The following OSBPL7 variants were observed in gnomAD, a reference collection of about 807,000 sequenced individuals.
OSBPL7 encodes the protein oxysterol binding protein like 7, also known as oxysterol-binding protein-related protein 7.
OSBPL7 carries 66 observed loss-of-function variants against 115.8 expected under a neutral mutation model. The observed-to-expected ratio is 0.57, with a 90% confidence interval of 0.47 to 0.70. The LOEUF is 0.70. Ranked by LOEUF, OSBPL7 falls within the 30% of genes least tolerant of loss-of-function variation. The probability of loss-of-function intolerance (pLI) is 0.00; values close to 1 mark genes in which losing one functional copy is unlikely to be tolerated. For synonymous variants in OSBPL7, 441 were observed against 439.2 expected (o/e 1.00, Z -0.05); for missense variants, 902 against 1,125.5 (o/e 0.80, Z 2.84).
chr17:47,813,458 A>G, intron 15 of OSBPL7, 55 bp from the exon 16 acceptor site: 1 of 1,609,486 alleles, frequency 6.2e-7, no homozygotes, highest in South Asian at 1.1e-5. Flanking sequence ...CACCCCAAGC[A>G]AGCAAAGTAT....
chr17:47,817,295 C>T lies in OSBPL7; in HGVS notation c.663G>A (p.Leu221=), dbSNP rs776344020. The T allele has an allele frequency of 4.4e-6, 7 of 1,603,244 alleles. No individual in the cohort carries two copies. The East Asian group carries it at 1.3e-4, about 31-fold the overall frequency. Residue 221 remains leucine, a synonymous_variant, in exon 8 of 23, where the codon CTG becomes CTA. Transcript: ENST00000007414. ...TAACAGGGGCTGAGGGGATTCGGTG[C>T]AGGGACTCCAGGCTCTGGAGGAGCC... ...LHRLLQSLES[L]HRIPSAPVIP...
Position 47,816,138 on chromosome 17 carries a change from G to A in OSBPL7, c.1088C>T (p.Ala363Val), listed in dbSNP as rs1420334077. ...HSLSTSSDTT[A>V]DSFSSLNPEE... ...AGGGTTGAGGGAGCTGAAAGAGTCC[G>A]CCGTGGTGTCGGAGGAGGTGGACAG... Residue 363 changes from alanine (A) to valine (V), a missense_variant, in exon 12 of 23, where the codon GCG becomes GTG. Transcript: ENST00000007414. This position sits in a 1 kb window ranked among gnomAD's most constrained non-coding sequence, Gnocchi z 5.8. 34 of 1,551,214 alleles carry A rather than the reference G, an allele frequency of 2.2e-5. No homozygotes were observed. The highest frequency in any genetic ancestry group is 2.5e-5 in the Non-Finnish European group (29 of 1,146,920).
chr17:47,815,763 T>G, intron 12 of OSBPL7: 1 of 318,572 alleles, frequency 3.1e-6, no homozygotes, highest in Non-Finnish European at 5.8e-6. Context: ...CCGTGGAACG[T>G]AGCCCCAGCG....
At chr17:47,812,730 C>T (rs529451162) in intron 16 of OSBPL7, among the ~76,000 whole-genome samples, 4 of 152,332 alleles carry the variant, frequency 2.6e-5, no homozygotes, top group South Asian at 2.1e-4. Context: ...TGCACCCTGT[C>T]GGCCTCCGCC....
At chr17:47,812,656 C>T (rs1015308757) in intron 16 of OSBPL7, among the ~76,000 whole-genome samples, 1 of 152,220 alleles carries the variant, frequency 6.6e-6, no homozygotes, top group Non-Finnish European at 1.5e-5. Flanking sequence ...ACATAAACAG[C>T]TCTTGAACCA....
At chr17:47,817,458 C>A in intron 7 of OSBPL7, 99 bp from the exon 8 acceptor site, 2 of 759,020 alleles carry the variant, frequency 2.6e-6, no homozygotes, top group South Asian at 3.3e-5. Flanking sequence ...GGCGTGATCT[C>A]GGCTCACTGC....
At chr17:47,811,823 A>G (rs536978196) in intron 16 of OSBPL7, among the ~76,000 whole-genome samples, 1 of 152,286 alleles carries the variant, frequency 6.6e-6, no homozygotes. Context: ...GAATATAAAG[A>G]TTGTCTGTTT....
rs559897456 is a variant in OSBPL7, at chr17:47,813,776, G to A, written c.1410C>T (p.Ala470=). The A allele has an allele frequency of 5.0e-6, 8 of 1,613,014 alleles. No homozygotes were observed. The African/African-American group carries it at 9.3e-5, about 19-fold the overall frequency. ...GPPRRRCLPA[A]SGPGADVSLW... ...GGCTCACGTCAGCCCCAGGCCCGCT[G>A]GCCGCCGGCAGGCAGCGACGGCGGG... The change falls in exon 15 of 23, where the codon GCC becomes GCT. Residue 470 remains alanine, a synonymous_variant. Coordinates refer to ENST00000007414, the MANE Select transcript of OSBPL7 (RefSeq NM_145798.3).
rs915517822 is a variant in OSBPL7 at position 47,808,588 on chromosome 17, C to T, written c.2370G>A (p.Arg790=). 1 of 1,614,124 alleles carries T rather than the reference C, an allele frequency of 6.2e-7. No individual in the cohort carries two copies. Among genetic ancestry groups the T allele is most frequent in the Non-Finnish European group, 8.5e-7 (1 of 1,180,050 alleles). ...KRRIEQLQRD[R]RKVMEENNIV... is the part of the protein sequence containing the mutation. ...TGTTGTTTTCCTCCATGACTTTGCG[C>T]CTGTCTCGCTGCAGCTGCTCGATCC... Residue 790 remains arginine, a synonymous_variant, in exon 22 of 23, where the codon AGG becomes AGA. Coordinates refer to ENST00000007414, the MANE Select transcript of OSBPL7 (RefSeq NM_145798.3). This position sits in a 1 kb window ranked among gnomAD's most constrained non-coding sequence, Gnocchi z 6.1.
chr17:47,814,478 C>CACCCCCCA, intron 14 of OSBPL7, 43 bp downstream of exon 14: 2 of 1,296,988 alleles, frequency 1.5e-6, no homozygotes, highest in Non-Finnish European at 2.2e-6. Context: ...CCTGTTTTTC[C>CACCCCCCA]ACCCGCCTCC....
At chr17:47,814,645 A>G in intron 13 of OSBPL7, 31 bp from the exon 14 acceptor site, 1 of 1,604,736 alleles carries the variant, frequency 6.2e-7, no homozygotes, top group Non-Finnish European at 8.5e-7. Context: ...GGCCGGGCAG[A>G]CTGGGCCTCC....
rs141251437 is a variant in OSBPL7, at chr17:47,818,647, T to A, written c.370-31A>T. On this transcript the variant is annotated intron_variant, in intron 5 of 22. Transcript: ENST00000007414. ...GAAGTGATGGAGAGGGGGAGGGCTA[T>A]CTGAAGAGAGGGACCACTTTCCAAG... The A allele has an allele frequency of 3.8e-6, 6 of 1,577,004 alleles. No individual in the cohort carries two copies. The African/African-American group carries it at 8.1e-5, about 21-fold the overall frequency.
At chr17:47,809,046 C>T (rs1317648456) in intron 20 of OSBPL7, 30 bp downstream of exon 20, 1 of 1,613,786 alleles carries the variant, frequency 6.2e-7, no homozygotes, top group Admixed American at 1.7e-5. Context: ...GCTCCAGCCT[C>T]ACCCAGCCCT....
chr17:47,812,125 T>A (rs866556244), intron 16 of OSBPL7, among the ~76,000 whole-genome samples: 1 of 152,116 alleles, frequency 6.6e-6, no homozygotes, highest in Non-Finnish European at 1.5e-5. Context: ...CATGGTAAAA[T>A]TTTTGGAAAA....
chr17:47,819,920 T>TGG, intron 3 of OSBPL7, 51 bp downstream of exon 3: 2 of 642,040 alleles, frequency 3.1e-6, no homozygotes, highest in Non-Finnish European at 5.1e-6. Context: ...CTGCCCCCCA[T>TGG]TCCCACCCCG....
At position 47,814,672 on chromosome 17, in the gene OSBPL7, G is replaced by A. The variant is rs1383727066; in HGVS notation, c.1258-58C>T. 3 of 1,493,658 alleles carry A rather than the reference G, an allele frequency of 2.0e-6. No homozygotes were observed. The South Asian group carries it at 3.4e-5, about 17-fold the overall frequency. The allele number at this position is 1,493,658 out of a possible 1,614,324, so 92.5% of individuals were successfully genotyped here. A position where few individuals can be genotyped will look rare whatever the true frequency, so the allele number is the denominator to read the frequency against. ...TGGGCCTCCCCCGGGCAGCTGGGCA[G>A]TGCCCAGGGCCTGGCAAGAATCTGC... is the stretch of plus-strand genomic sequence containing the variant. On this transcript the variant is annotated intron_variant, in intron 13 of 22. Coordinates refer to ENST00000007414, the MANE Select transcript of OSBPL7 (RefSeq NM_145798.3).
rs1159198748 is a variant in OSBPL7 at position 47,816,018 on chromosome 17, C to G, written c.1119+89G>C. ...TTTGGGCTGTCTTTGGGACTAAAAA[C>G]CAACTTTGCCCACTGCCCTGGGCCT... On this transcript the variant is annotated intron_variant, in intron 12 of 22. Coordinates refer to ENST00000007414, the MANE Select transcript of OSBPL7 (RefSeq NM_145798.3). The surrounding 1 kb of genome is among the most constrained non-coding windows in gnomAD (Gnocchi z 5.8). 1 of 1,255,384 alleles carries G rather than the reference C, an allele frequency of 8.0e-7. No homozygotes were observed. Among genetic ancestry groups the G allele is most frequent in the Non-Finnish European group, 1.1e-6 (1 of 919,730 alleles). The allele number at this position is 1,255,384 out of a possible 1,614,324, so 77.8% of individuals were successfully genotyped here.
chr17:47,814,400 T>A (rs1024301560), intron 14 of OSBPL7, 121 bp downstream of exon 14: 19 of 894,122 alleles, frequency 2.1e-5, no homozygotes, highest in Non-Finnish European at 2.8e-5. Context: ...GGGGTCAGCA[T>A]CCAAAGCCAC....
In OSBPL7 at chr17:47,818,352, G is replaced by A. The variant is rs920710739; in HGVS notation, c.515C>T (p.Ala172Val). Residue 172 changes from alanine to valine, a missense_variant, in exon 7 of 23, where the codon GCC becomes GTC. Coordinates refer to ENST00000007414, the MANE Select transcript of OSBPL7 (RefSeq NM_145798.3). ...PGAQLPTAATASALPGLGPRE... is the reference protein window; with the variant it reads ...PGAQLPTAATVSALPGLGPRE... ...CGGTCCAAGCCCAGGTAGGGCTGAG[G>A]CAGTAGCTGCTGTTGGAAGCTGGGC... 1 of 1,614,146 alleles carries A rather than the reference G, an allele frequency of 6.2e-7. No homozygotes were observed. The highest frequency in any genetic ancestry group is 8.5e-7 in the Non-Finnish European group (1 of 1,180,010).
Sources: gnomAD v4.1 joint callset for allele counts (sites outside exome capture counted in the v4.1 genomes callset) on GRCh38, gnomAD v4.1.1 for gene constraint, Gnocchi (gnomAD v3.1) non-coding constraint, MANE v1.5 for transcripts, NCBI Gene and HGNC (gene_info 2026-07-23, HGNC 2026-07-21) for gene names.